The following COG3 variants were observed in gnomAD, a reference collection of about 807,000 sequenced individuals.
COG3 encodes the protein component of oligomeric golgi complex 3.
In COG3, 32 loss-of-function variants were observed where a neutral mutation model predicts 114.1. The ratio of observed to expected loss-of-function variants is 0.28; its 90% CI spans 0.21 to 0.38. The LOEUF (loss-of-function observed/expected upper bound fraction) is 0.38. Ranked by LOEUF, COG3 falls within the 10% of genes least tolerant of loss-of-function variation. The pLI is 1.00. For missense variants in COG3, 813 were observed against 973.2 expected (o/e 0.84, Z 2.19); for synonymous variants, 352 against 365.7 (o/e 0.96, Z 0.43).
intron 15 of COG3, among the ~76,000 whole-genome samples, chr13:45,510,071 G>T (rs1009541834): frequency 1.4e-4 from 22 of 152,150 alleles, no homozygotes; most frequent in African/African-American, 2.4e-5. Context: ...ACTGTTTTAT[G>T]TGTGCATTCC....
chr13:45,501,128 G>A (rs149746377), intron 13 of COG3, among the ~76,000 whole-genome samples: 1 of 152,318 alleles, frequency 6.6e-6, no homozygotes, highest in Non-Finnish European at 1.5e-5. Flanking sequence ...TTTCACCACC[G>A]TGCAGTTACT....
Position 45,480,069 on chromosome 13 carries a change from C to T in COG3, c.384-56C>T, listed in dbSNP as rs1384396524. The T allele has an allele frequency of 2.8e-6, 4 of 1,432,896 alleles. No homozygotes were observed. In the East Asian group the frequency reaches 9.3e-5, roughly 33 times the overall value. 88.8% of individuals were successfully genotyped at this position (1,432,896 alleles called of 1,614,324 possible). ...AAAATGAGCCTTTGTTGTTTTTTTA[C>T]TGTGCTTATTGGGGGAAAAGATTAT... On this transcript the variant is annotated intron_variant, in intron 3 of 22. Coordinates refer to ENST00000349995, the MANE Select transcript of COG3 (RefSeq NM_031431.4).
chr13:45,533,803 C>T lies in COG3; in HGVS notation c.2458-899C>T, dbSNP rs897423074. On this transcript the variant is annotated intron_variant, in intron 22 of 22. Transcript: ENST00000349995. ...AGGCCAGTTATTCCGCAGACTGTCTCTCCATTTGGTGTTGTCTCTTTCATC... is the reference window on the plus strand; with the variant it reads ...AGGCCAGTTATTCCGCAGACTGTCTTTCCATTTGGTGTTGTCTCTTTCATC... Among the ~76,000 whole-genome samples the T allele has an allele frequency of 4.7e-4, 72 of 152,360 alleles. 1 individual carries two copies. Among genetic ancestry groups the T allele is most frequent in the Middle Eastern group, 6.8e-3 (2 of 294 alleles).
At chr13:45,530,570 G>A (rs1873085149) in intron 21 of COG3, 112 bp from the exon 22 acceptor site, 2 of 701,018 alleles carry the variant, frequency 2.9e-6, no homozygotes, top group Admixed American at 2.0e-5. Flanking sequence ...GTAATATCAT[G>A]AAAGATACAT....
intron 11 of COG3, among the ~76,000 whole-genome samples, chr13:45,493,135 T>G (rs1312825285): frequency 2.0e-5 from 3 of 152,200 alleles, no homozygotes; most frequent in Non-Finnish European, 4.4e-5. Context: ...AATTGACTGC[T>G]GTGGATTGCT....
At chr13:45,487,277 CTA>C (rs1237078809) in intron 8 of COG3, among the ~76,000 whole-genome samples, 8 of 152,248 alleles carry the variant, frequency 5.3e-5, no homozygotes, top group African/African-American at 1.9e-4. Context: ...AGATCTGAAA[CTA>C]TAAAACTACT....
rs530312880 is a variant in COG3 at position 45,507,402 on chromosome 13, TGA to T, written c.1595-2279_1595-2278del. ...AATTATACAAGTTAAATAGGAGTGG[TGA>T]GAGAGAGAGAAAAAAAAATTTTACA... On this transcript the variant is annotated intron_variant, in intron 14 of 22. Transcript: ENST00000349995. Among the ~76,000 whole-genome samples the T allele has an allele frequency of 2.4e-3, 370 of 151,882 alleles. 1 individual carries two copies. Among genetic ancestry groups the T allele is most frequent in the South Asian group, 5.6e-3 (27 of 4,816 alleles).
At chr13:45,509,988 T>C (rs1870680123) in intron 15 of COG3, among the ~76,000 whole-genome samples, 172 bp downstream of exon 15, 2 of 152,244 alleles carry the variant, frequency 1.3e-5, no homozygotes, top group South Asian at 4.1e-4. Flanking sequence ...GAACTTTCTA[T>C]AGAAACTTAT....
At chr13:45,491,287 T>C in intron 9 of COG3, 125 bp from the exon 10 acceptor site, 3 of 864,224 alleles carry the variant, frequency 3.5e-6, no homozygotes, top group Middle Eastern at 2.4e-4. Context: ...AAATAGTTAA[T>C]GTGGGCAAAT....
Position 45,509,773 on chromosome 13 carries a change from G to A in COG3, c.1676G>A (p.Arg559Gln). 6.2e-7 allele frequency: 1 copy of A among 1,613,818 alleles called. No individual in the cohort carries two copies. The highest frequency in any genetic ancestry group is 8.5e-7 in the Non-Finnish European group (1 of 1,179,752). Residue 559 changes from arginine to glutamine, a missense_variant, in exon 15 of 23, where the codon CGA (arginine) becomes CAA (glutamine). By Grantham distance (43) the Arg-to-Gln change is conservative. This residue lies in a region of COG3 where 389 missense variants were observed against 542.6 expected (regional missense o/e 0.72). Coordinates refer to ENST00000349995, the MANE Select transcript of COG3 (RefSeq NM_031431.4). ...DLHGMWYPTV[R>Q]RTLVCLSKLY... ...CATGGAATGTGGTATCCTACGGTTC[G>A]AAGAACTCTTGTCTGTCTCTCCAAA...
At chr13:45,497,577 A>T (rs1479052891) in intron 13 of COG3, among the ~76,000 whole-genome samples, 2 of 152,100 alleles carry the variant, frequency 1.3e-5, no homozygotes, top group African/African-American at 2.4e-5. Flanking sequence ...TAATCTCAGG[A>T]GTTCAAGACC....
intron 1 of COG3, among the ~76,000 whole-genome samples, chr13:45,474,151 C>CTTTTTTTTTTTTTTTT (rs10558884): frequency 1.2e-5 from 1 of 82,014 alleles, no homozygotes; most frequent in Non-Finnish European, 2.3e-5. Context: ...CTTTTTTACT[C>CTTTTTTTTTTTTTTTT]TTTTTTTTTT....
At chr13:45,469,628 A>G (rs550288494) in intron 1 of COG3, among the ~76,000 whole-genome samples, 1 of 152,206 alleles carries the variant, frequency 6.6e-6, no homozygotes, top group Non-Finnish European at 1.5e-5. Context: ...TTTATCTTAC[A>G]TGGTGAAGTA....
chr13:45,466,515 A>T (rs1322480483), intron 1 of COG3: 1 of 152,176 alleles, frequency 6.6e-6, no homozygotes, highest in Non-Finnish European at 1.5e-5. Flanking sequence ...TTCCACCTCT[A>T]GGATATGGTA....
intron 21 of COG3, among the ~76,000 whole-genome samples, 189 bp from the exon 22 acceptor site, chr13:45,530,493 A>G (rs1873074604): frequency 6.6e-6 from 1 of 152,226 alleles, no homozygotes; most frequent in South Asian, 2.1e-4. Flanking sequence ...CCTGGGAAGC[A>G]TTATCTGATA....
chr13:45,507,473 T>TG (rs1259988549), intron 14 of COG3, among the ~76,000 whole-genome samples: 2 of 152,070 alleles, frequency 1.3e-5, no homozygotes, highest in Non-Finnish European at 2.9e-5. Flanking sequence ...AATTGTAAAG[T>TG]GAAAGTACTG....
At chr13:45,476,601 A>G (rs1314475919) in intron 2 of COG3, among the ~76,000 whole-genome samples, 1 of 151,952 alleles carries the variant, frequency 6.6e-6, no homozygotes. Context: ...TTGAGGTTTT[A>G]ATGTCTTATG....
intron 4 of COG3, 60 bp from the exon 5 acceptor site, chr13:45,481,170 C>A: frequency 2.3e-6 from 2 of 880,906 alleles, no homozygotes; most frequent in Non-Finnish European, 3.7e-6. Flanking sequence ...AACTTTGAGA[C>A]TGGCATGTTG....
chr13:45,474,314 T>G (rs1885719622), intron 1 of COG3, among the ~76,000 whole-genome samples: 1 of 151,956 alleles, frequency 6.6e-6, no homozygotes, highest in Non-Finnish European at 1.5e-5. Context: ...CCTGCCACCA[T>G]GCCCGGCTAA....
Sources: allele counts gnomAD v4.1 joint callset (sites outside exome capture counted in the v4.1 genomes callset), GRCh38; gene constraint gnomAD v4.1.1; regional missense constraint gnomAD v4.1.1; transcripts MANE v1.5; gene names NCBI Gene and HGNC (gene_info 2026-07-23, HGNC 2026-07-21).